Variants in PAX7 observed in about 807,000 individuals in gnomAD.
PAX7 encodes paired box protein Pax-7.
PAX7 carries 18 observed loss-of-function variants against 50.7 expected under a neutral mutation model. The ratio of observed to expected loss-of-function variants is 0.36; its 90% CI spans 0.25 to 0.53. PAX7 has a LOEUF of 0.53. Among genes scored for constraint, PAX7 ranks in the 20% least tolerant of loss-of-function variants. The pLI is 0.93. For missense variants in PAX7, 644 were observed against 702.9 expected (o/e 0.92, Z 0.95); for synonymous variants, 310 against 290.4 (o/e 1.07, Z -0.69).
Position 18,744,429 on chromosome 1 carries a change from A to AGGAT in PAX7, c.1403-336_1403-333dup, listed in dbSNP as rs375857866. 1.4e-3 allele frequency among the ~76,000 whole-genome samples: 86 copies of AGGAT among 60,498 alleles called. 7 individuals are homozygous for AGGAT. Among genetic ancestry groups the AGGAT allele is most frequent in the African/African-American group, 5.9e-3 (54 of 9,134 alleles). The allele number at this position is 60,498 out of a possible 152,430, so 39.7% of individuals were successfully genotyped here. A position where few individuals can be genotyped will look rare whatever the true frequency, so the allele number is the denominator to read the frequency against. On this transcript the variant is annotated intron_variant, in intron 8 of 8. Coordinates refer to ENST00000420770, the MANE Select transcript of PAX7 (RefSeq NM_001135254.2). ...CTTCATGAAGAGATGGATAGATGGA[A>AGGAT]GGATGGATGGATGGATGGATGGATG... is the stretch of plus-strand genomic sequence containing the variant.
chr1:18,672,607 T>TG (rs963846976), intron 4 of PAX7, among the ~76,000 whole-genome samples: 18 of 148,046 alleles, frequency 1.2e-4, no homozygotes, highest in African/African-American at 4.6e-4. Context: ...TTTTTTTTTT[T>TG]TTTTTTTTTT....
At chr1:18,662,306 C>T (rs1307054790) in intron 4 of PAX7, among the ~76,000 whole-genome samples, 1 of 152,184 alleles carries the variant, frequency 6.6e-6, no homozygotes, top group Non-Finnish European at 1.5e-5. Context: ...AAAGATGACC[C>T]CTGCCCCGGC....
At chr1:18,694,926 G>GC (rs35562971) in intron 5 of PAX7, among the ~76,000 whole-genome samples, 19,022 of 152,160 alleles carry the variant, frequency 0.13, 1,207 homozygotes, top group South Asian at 0.16. Context: ...TGACCTCAAA[G>GC]CCCCCTGAGT....
intron 3 of PAX7, 76 bp downstream of exon 3, chr1:18,635,316 G>A: frequency 6.5e-7 from 1 of 1,532,868 alleles, no homozygotes; most frequent in Non-Finnish European, 8.9e-7. Context: ...GGAGGTGGGA[G>A]AGAGGGGAGA....
intron 7 of PAX7, among the ~76,000 whole-genome samples, chr1:18,703,850 A>C (rs561901570): frequency 1.3e-5 from 2 of 152,320 alleles, no homozygotes; most frequent in East Asian, 3.9e-4. Context: ...AATCCACTGC[A>C]CATGATCCAA....
chr1:18,631,806 C>T, intron 1 of PAX7, 118 bp downstream of exon 1: 1 of 827,146 alleles, frequency 1.2e-6, no homozygotes, highest in Non-Finnish European at 2.0e-6. Flanking sequence ...GGATCCCGTT[C>T]TCTTCTGGGT....
At chr1:18,649,867 C>A (rs1208191513) in intron 4 of PAX7, among the ~76,000 whole-genome samples, 1 of 152,244 alleles carries the variant, frequency 6.6e-6, no homozygotes, top group Non-Finnish European at 1.5e-5. Context: ...TCTGGAAGAG[C>A]CGCTTCATGT....
chr1:18,659,759 A>G (rs940132686), intron 4 of PAX7, among the ~76,000 whole-genome samples: 24 of 152,144 alleles, frequency 1.6e-4, no homozygotes, highest in African/African-American at 4.8e-4. Context: ...TGAGGGTCCC[A>G]CATTCCAGAA....
intron 8 of PAX7, 113 bp from the exon 9 acceptor site, chr1:18,744,701 G>GAGAA (rs1931349084): frequency 2.3e-6 from 1 of 429,710 alleles, no homozygotes; most frequent in African/African-American, 2.4e-5. Flanking sequence ...TGGATGGATG[G>GAGAA]ATGGATGGAT....
chr1:18,640,923 G>T (rs897751495), intron 4 of PAX7, among the ~76,000 whole-genome samples: 21 of 151,876 alleles, frequency 1.4e-4, no homozygotes, highest in African/African-American at 5.1e-4. Flanking sequence ...GGCGGAGGGG[G>T]CTCCCGGCGA....
chr1:18,732,636 C>T (rs1374973453), intron 7 of PAX7, among the ~76,000 whole-genome samples: 2 of 152,190 alleles, frequency 1.3e-5, no homozygotes, highest in East Asian at 1.9e-4. Context: ...TTGGGACAGG[C>T]AGCTAGAGGT....
intron 4 of PAX7, among the ~76,000 whole-genome samples, chr1:18,681,162 CGTAAAAAAAAAA>C (rs1289519361): frequency 2.4e-5 from 2 of 84,534 alleles, no homozygotes; most frequent in African/African-American, 1.1e-4. Context: ...AGCAAAACTC[CGTAAAAAAAAAA>C]AAAAAAAAAA....
chr1:18,720,719 G>A (rs1368572433), intron 7 of PAX7, among the ~76,000 whole-genome samples: 1 of 150,218 alleles, frequency 6.7e-6, no homozygotes, highest in Non-Finnish European at 1.5e-5. Flanking sequence ...ACTGGGGGGA[G>A]AGAGAGAGAG....
In PAX7 at chr1:18,680,014, C is replaced by G. The variant is rs2088874539; in HGVS notation, c.587-11740C>G. On this transcript the variant is annotated intron_variant, in intron 4 of 8. Coordinates refer to ENST00000420770, the MANE Select transcript of PAX7 (RefSeq NM_001135254.2). ...AGTACCTGGAACTGTTCTTGCCTTG[C>G]AGTAATTCCTTTCATCTTTGTGCAT... Among the ~76,000 whole-genome samples, 4 of 152,150 alleles carry G rather than the reference C, an allele frequency of 2.6e-5. No individual in the cohort carries two copies. In the South Asian group the frequency reaches 8.3e-4, roughly 32 times the overall value.
At chr1:18,664,990 C>T (rs1258376828) in intron 4 of PAX7, among the ~76,000 whole-genome samples, 3 of 152,280 alleles carry the variant, frequency 2.0e-5, no homozygotes, top group Middle Eastern at 3.4e-3. Flanking sequence ...TGGACCCAAG[C>T]TCCAGTCCTG....
chr1:18,642,825 A>T (rs902151352), intron 4 of PAX7, among the ~76,000 whole-genome samples: 7 of 151,814 alleles, frequency 4.6e-5, no homozygotes, highest in Non-Finnish European at 1.0e-4. Flanking sequence ...TAGTAGATAG[A>T]TGTCTCCAAA....
At chr1:18,717,856 G>A (rs2089446304) in intron 7 of PAX7, among the ~76,000 whole-genome samples, 1 of 152,184 alleles carries the variant, frequency 6.6e-6, no homozygotes, top group Non-Finnish European at 1.5e-5. Flanking sequence ...ACAAGCAAGT[G>A]ACAAACCATG....
intron 7 of PAX7, among the ~76,000 whole-genome samples, chr1:18,727,007 T>G (rs1343680864): frequency 1.3e-5 from 2 of 152,222 alleles, no homozygotes; most frequent in African/African-American, 2.4e-5. Context: ...CCTATACATG[T>G]GCAGTGCTCA....
chr1:18,663,431 G>A (rs905641511), intron 4 of PAX7, among the ~76,000 whole-genome samples: 4 of 152,220 alleles, frequency 2.6e-5, no homozygotes, highest in Non-Finnish European at 4.4e-5. Flanking sequence ...TACCCAGGCT[G>A]GAGTGCAGTG....
Sources: allele counts gnomAD v4.1 joint callset (sites outside exome capture counted in the v4.1 genomes callset), GRCh38; gene constraint gnomAD v4.1.1; transcripts MANE v1.5; gene names NCBI Gene and HGNC (gene_info 2026-07-23, HGNC 2026-07-21).